CDS1: variants seen among roughly 807,000 people sequenced by gnomAD.
CDS1 encodes phosphatidate cytidylyltransferase 1.
In CDS1, 41 loss-of-function variants were observed where a neutral mutation model predicts 62.1. That is an observed-to-expected ratio of 0.66 (90% confidence interval 0.51 to 0.86). The LOEUF (loss-of-function observed/expected upper bound fraction) is 0.86, where lower values mean the gene tolerates loss of function less well. CDS1 is among the 40% of genes least tolerant of loss of function. The pLI, the probability that CDS1 is intolerant of heterozygous loss-of-function variation, is 0.00. For missense variants in CDS1, 470 were observed against 550.1 expected, an observed-to-expected ratio of 0.85 and a Z score of 1.46; for synonymous variants, 185 against 192.6, an observed-to-expected ratio of 0.96 and a Z score of 0.32.
intron 1 of CDS1, among the ~76,000 whole-genome samples, chr4:84,584,412 C>T (rs1337735214): frequency 6.6e-6 from 1 of 152,148 alleles, no homozygotes; most frequent in East Asian, 1.9e-4. Flanking sequence ...ATTTGAGAAA[C>T]CCAAAACACG....
Position 84,583,317 on chromosome 4 carries a change from CG to C in CDS1, c.-81del. ...ACTCCAGGGCGCGGCTGCGAGGTGG[CG>C]GGGCGCCCCGCCTGCAGAACCCTGC... On this transcript the variant is annotated 5_prime_UTR_variant, in exon 1 of 13. Coordinates refer to ENST00000295887, the MANE Select transcript of CDS1 (RefSeq NM_001263.4). 1.0e-6 allele frequency: 1 copy of C among 983,296 alleles called. No individual in the cohort carries two copies. Among genetic ancestry groups the C allele is most frequent in the Non-Finnish European group, 1.5e-6 (1 of 656,746 alleles). 60.9% of individuals were successfully genotyped at this position (983,296 alleles called of 1,614,324 possible). A position where few individuals can be genotyped will look rare whatever the true frequency, so the allele number is the denominator to read the frequency against.
chr4:84,631,946 T>A, intron 6 of CDS1, 69 bp downstream of exon 6: 1 of 1,052,806 alleles, frequency 9.5e-7, no homozygotes, highest in East Asian at 2.4e-5. Context: ...TTTTCTGTAG[T>A]GAGAAGATAC....
rs547078642 is a variant in CDS1, at chr4:84,635,283, A to T, written c.742A>T (p.Ser248Cys). 2.2e-5 allele frequency: 35 copies of T among 1,564,372 alleles called. No individual in the cohort carries two copies. The Middle Eastern group carries it at 6.8e-4, about 30-fold the overall frequency. The change falls in exon 8 of 13, where the codon AGT becomes TGT. Residue 248 changes from serine to cysteine, a missense_variant. Physicochemically the swap from Ser to Cys is moderately radical, Grantham distance 112. Coordinates refer to ENST00000295887, the MANE Select transcript of CDS1 (RefSeq NM_001263.4). ...GMIWFLVPIS[S>C]VICNDITAYL... ...AAACAGGTTCCTTGTTCCAATATCA[A>T]GTGTTATCTGCAATGACATAACTGC...
At chr4:84,625,838 C>T (rs1345061944) in intron 5 of CDS1, among the ~76,000 whole-genome samples, 1 of 151,258 alleles carries the variant, frequency 6.6e-6, no homozygotes, top group East Asian at 1.9e-4. Context: ...ATGACCTAAA[C>T]TCTTCTGGTT....
At chr4:84,612,980 T>A (rs1231572035) in intron 3 of CDS1, among the ~76,000 whole-genome samples, 1 of 138,138 alleles carries the variant, frequency 7.2e-6, no homozygotes, top group Non-Finnish European at 1.5e-5. Flanking sequence ...CAGAGTGAGA[T>A]CCTGTCTCAA....
chr4:84,619,212 A>G (rs1298072718), intron 4 of CDS1, among the ~76,000 whole-genome samples, 182 bp from the exon 5 acceptor site: 2 of 152,192 alleles, frequency 1.3e-5, no homozygotes, highest in African/African-American at 4.8e-5. Flanking sequence ...AATTTTTGCT[A>G]ATCAATAAAT....
chr4:84,645,372 C>T lies in CDS1; in HGVS notation c.1256+47C>T, dbSNP rs1364777468. On this transcript the variant is annotated intron_variant, in intron 12 of 12. Coordinates refer to ENST00000295887, the MANE Select transcript of CDS1 (RefSeq NM_001263.4). Reference sequence around the variant, plus strand: ...TTTTTAGATGATTTCTTTGAGTTCTCATTTCCATCAACATTAGTTTGAGTA... The same window carrying T: ...TTTTTAGATGATTTCTTTGAGTTCTTATTTCCATCAACATTAGTTTGAGTA... The T allele has an allele frequency of 6.1e-6, 7 of 1,143,180 alleles. No individual in the cohort carries two copies. The South Asian group carries it at 8.8e-5, about 14-fold the overall frequency. The allele number at this position is 1,143,180 out of a possible 1,614,324, so 70.8% of individuals were successfully genotyped here. A position where few individuals can be genotyped will look rare whatever the true frequency, so the allele number is the denominator to read the frequency against.
At chr4:84,648,487 T>C (rs970416522) in intron 12 of CDS1, 70 bp from the exon 13 acceptor site, 48 of 1,402,304 alleles carry the variant, frequency 3.4e-5, no homozygotes, top group Middle Eastern at 1.8e-4. Flanking sequence ...TTGTTTTAAA[T>C]TGGAGGTATG....
chr4:84,589,688 G>T (rs535333356), intron 1 of CDS1, among the ~76,000 whole-genome samples: 1 of 152,218 alleles, frequency 6.6e-6, no homozygotes, highest in Admixed American at 6.5e-5. Context: ...TGGTAAGACA[G>T]AGCTGGGTTT....
At chr4:84,648,484 A>T in intron 12 of CDS1, 73 bp from the exon 13 acceptor site, 1 of 1,385,280 alleles carries the variant, frequency 7.2e-7, no homozygotes, top group Non-Finnish European at 1.0e-6. Context: ...GGTTTGTTTT[A>T]AATTGGAGGT....
chr4:84,639,108 G>A, intron 9 of CDS1, 116 bp downstream of exon 9: 2 of 387,458 alleles, frequency 5.2e-6, no homozygotes, highest in Non-Finnish European at 9.0e-6. Context: ...TATATTTATT[G>A]AAACCTACTG....
intron 1 of CDS1, among the ~76,000 whole-genome samples, chr4:84,590,472 G>C (rs952593390): frequency 6.6e-6 from 1 of 152,186 alleles, no homozygotes; most frequent in Non-Finnish European, 1.5e-5. Flanking sequence ...TAGTGTTTAT[G>C]ATCTTTAAAC....
At chr4:84,644,921 C>T (rs1402799233) in intron 11 of CDS1, among the ~76,000 whole-genome samples, 1 of 151,938 alleles carries the variant, frequency 6.6e-6, no homozygotes, top group East Asian at 1.9e-4. Context: ...TTAGTAATAG[C>T]TAAGATAATT....
chr4:84,593,018 A>G (rs1319594841), intron 1 of CDS1, among the ~76,000 whole-genome samples: 3 of 152,162 alleles, frequency 2.0e-5, no homozygotes, highest in Non-Finnish European at 4.4e-5. Flanking sequence ...TTTTATCTCA[A>G]TATATAAAAA....
At chr4:84,597,006 C>T (rs903533099) in intron 1 of CDS1, among the ~76,000 whole-genome samples, 2 of 152,126 alleles carry the variant, frequency 1.3e-5, no homozygotes, top group Non-Finnish European at 2.9e-5. Flanking sequence ...TGGGTTTATA[C>T]CCTGTGATGA....
chr4:84,610,793 T>G (rs146856074), intron 3 of CDS1, among the ~76,000 whole-genome samples: 1 of 152,272 alleles, frequency 6.6e-6, no homozygotes, highest in Non-Finnish European at 1.5e-5. Context: ...TTGTACAAAT[T>G]TATAGCCTAG....
intron 3 of CDS1, among the ~76,000 whole-genome samples, chr4:84,611,406 A>G (rs977117600): frequency 6.6e-6 from 1 of 151,674 alleles, no homozygotes; most frequent in African/African-American, 2.4e-5. Flanking sequence ...TCTCTTGCCC[A>G]CTTAGAAATG....
intron 2 of CDS1, among the ~76,000 whole-genome samples, chr4:84,607,458 G>A (rs2052397522): frequency 6.6e-6 from 1 of 151,212 alleles, no homozygotes; most frequent in Non-Finnish European, 1.5e-5. Flanking sequence ...CAGTATCGGG[G>A]ACCACAGGTG....
In CDS1 at chr4:84,617,933, A is replaced by G. The variant is rs1170106999; in HGVS notation, c.440+272A>G. On this transcript the variant is annotated intron_variant, in intron 4 of 12. Transcript: ENST00000295887. ...TTGTCCTTTTTTTAATAAAAAACTAAACATTGTATTGGAAACATTTTTGTA... is the reference window on the plus strand; with the variant it reads ...TTGTCCTTTTTTTAATAAAAAACTAGACATTGTATTGGAAACATTTTTGTA... Among the ~76,000 whole-genome samples, 3 of 152,298 alleles carry G rather than the reference A, an allele frequency of 2.0e-5. No individual in the cohort carries two copies. In the East Asian group the frequency reaches 5.8e-4, roughly 29 times the overall value.
Sources: allele counts gnomAD v4.1 joint callset (sites outside exome capture counted in the v4.1 genomes callset), GRCh38; gene constraint gnomAD v4.1.1; transcripts MANE v1.5; gene names NCBI Gene and HGNC (gene_info 2026-07-23, HGNC 2026-07-21).